The following EPHB2 variants were observed in gnomAD, a reference collection of about 807,000 sequenced individuals.
EPHB2 encodes EPH receptor B2, also known as ephrin type-B receptor 2.
EPHB2 carries 18 observed loss-of-function variants against 96.4 expected under a neutral mutation model. The ratio of observed to expected loss-of-function variants is 0.19; its 90% CI spans 0.13 to 0.28. The LOEUF (loss-of-function observed/expected upper bound fraction) is 0.28, where lower values mean the gene tolerates loss of function less well. Ranked by LOEUF, EPHB2 falls within the 10% of genes least tolerant of loss-of-function variation. The probability of loss-of-function intolerance (pLI) is 1.00; values close to 1 mark genes in which losing one functional copy is unlikely to be tolerated. For synonymous variants in EPHB2, 506 were observed against 534.1 expected, an observed-to-expected ratio of 0.95 and a Z score of 0.72; for missense variants, 989 against 1,355.4, an observed-to-expected ratio of 0.73 and a Z score of 4.25.
intron 3 of EPHB2, among the ~76,000 whole-genome samples, chr1:22,861,185 G>A (rs1412493496): frequency 6.6e-6 from 1 of 152,202 alleles, no homozygotes; most frequent in Non-Finnish European, 1.5e-5. Context: ...CCATTTTACA[G>A]ATAAGGAAAC....
At chr1:22,864,816 G>A (rs1638409875) in intron 4 of EPHB2, 61 bp from the exon 5 acceptor site, 1 of 1,136,316 alleles carries the variant, frequency 8.8e-7, no homozygotes, top group Non-Finnish European at 1.3e-6. Context: ...GCACAGAGTG[G>A]TCACATGGGG....
chr1:22,879,187 C>A (rs1028082464), intron 5 of EPHB2, among the ~76,000 whole-genome samples: 1 of 117,778 alleles, frequency 8.5e-6, no homozygotes, highest in African/African-American at 2.8e-5. Context: ...TCTCAGAGCA[C>A]CCTGTCGCAC....
chr1:22,912,003 TC>T (rs1640118666), intron 14 of EPHB2, among the ~76,000 whole-genome samples: 1 of 152,192 alleles, frequency 6.6e-6, no homozygotes, highest in South Asian at 2.1e-4. Flanking sequence ...AAGGTGAGCT[TC>T]CTATAGCACA....
intron 3 of EPHB2, among the ~76,000 whole-genome samples, chr1:22,808,493 A>T (rs904379215): frequency 1.4e-4 from 22 of 152,230 alleles, no homozygotes; most frequent in Admixed American, 6.5e-4. Context: ...CCCAGTCCAG[A>T]AGGGGCCCGA....
chr1:22,795,522 C>T (rs184810184), intron 3 of EPHB2, among the ~76,000 whole-genome samples: 3 of 152,142 alleles, frequency 2.0e-5, no homozygotes, highest in Non-Finnish European at 4.4e-5. Flanking sequence ...GGGAGAAATG[C>T]CATTTGTAAT....
intron 1 of EPHB2, among the ~76,000 whole-genome samples, chr1:22,731,557 C>T (rs144419089): frequency 2.3e-3 from 357 of 152,256 alleles, no homozygotes; most frequent in Non-Finnish European, 3.8e-3. Context: ...TAACCATCAT[C>T]GGCTAGGCGC....
chr1:22,824,939 C>T (rs1328391702), intron 3 of EPHB2, among the ~76,000 whole-genome samples: 3 of 152,216 alleles, frequency 2.0e-5, no homozygotes, highest in Non-Finnish European at 4.4e-5. Context: ...GGTAACAGAG[C>T]CTGGCTCCTC....
chr1:22,868,125 G>A (rs1385179541), intron 5 of EPHB2, among the ~76,000 whole-genome samples: 2 of 152,198 alleles, frequency 1.3e-5, no homozygotes, highest in East Asian at 1.9e-4. Context: ...TACTCAAGAC[G>A]CCTCAGCTTA....
At chr1:22,759,306 C>G (rs1644201856) in intron 1 of EPHB2, among the ~76,000 whole-genome samples, 1 of 152,108 alleles carries the variant, frequency 6.6e-6, no homozygotes, top group Admixed American at 6.5e-5. Context: ...CACCTGTTTC[C>G]TTTATACTGC....
At chr1:22,887,558 T>A (rs1321899853) in intron 6 of EPHB2, among the ~76,000 whole-genome samples, 5 of 152,022 alleles carry the variant, frequency 3.3e-5, no homozygotes, top group Non-Finnish European at 7.4e-5. Context: ...CTGCCTGGAG[T>A]CCAGAGCTGA....
At chr1:22,740,575 A>G (rs1557646324) in intron 1 of EPHB2, among the ~76,000 whole-genome samples, 1 of 152,156 alleles carries the variant, frequency 6.6e-6, no homozygotes, top group Non-Finnish European at 1.5e-5. Flanking sequence ...TGCATTTCTG[A>G]GTGCCATCTG....
intron 1 of EPHB2, chr1:22,774,525 A>G (rs1342156255): frequency 2.0e-6 from 2 of 982,722 alleles, no homozygotes; most frequent in African/African-American, 3.5e-5. Context: ...CGTTCCAGGC[A>G]GAAAAATCTA....
intron 1 of EPHB2, among the ~76,000 whole-genome samples, chr1:22,761,372 TC>T (rs1644233760): frequency 1.3e-5 from 2 of 152,216 alleles, no homozygotes; most frequent in Non-Finnish European, 2.9e-5. Flanking sequence ...ACTTTATACT[TC>T]CATCTGACTT....
At chr1:22,884,819 C>T (rs867865869) in intron 6 of EPHB2, among the ~76,000 whole-genome samples, 28 of 152,074 alleles carry the variant, frequency 1.8e-4, no homozygotes, top group African/African-American at 6.0e-4. Context: ...TGCCATCCAG[C>T]GCCCCATTTC....
intron 3 of EPHB2, among the ~76,000 whole-genome samples, chr1:22,816,052 T>C (rs1257386872): frequency 6.6e-6 from 1 of 152,076 alleles, no homozygotes; most frequent in East Asian, 1.9e-4. Flanking sequence ...GGCCTTCTTT[T>C]CCCCCATCTA....
chr1:22,832,180 G>A (rs558841425), intron 3 of EPHB2, among the ~76,000 whole-genome samples: 4 of 152,234 alleles, frequency 2.6e-5, no homozygotes, highest in African/African-American at 7.2e-5. Context: ...CAGGGTGCAC[G>A]TCATCAGAAC....
chr1:22,856,590 A>G (rs989094039), intron 3 of EPHB2, among the ~76,000 whole-genome samples: 2 of 152,200 alleles, frequency 1.3e-5, no homozygotes, highest in Non-Finnish European at 2.9e-5. Flanking sequence ...ATTTGGACAC[A>G]AGCTGTTCTG....
intron 1 of EPHB2, among the ~76,000 whole-genome samples, chr1:22,721,361 C>T (rs1472407578): frequency 6.6e-6 from 1 of 152,186 alleles, no homozygotes; most frequent in East Asian, 1.9e-4. Flanking sequence ...CTTCTGTTTG[C>T]TGGCAGACCA....
chr1:22,769,088 T>C (rs1299966855), intron 1 of EPHB2, among the ~76,000 whole-genome samples: 3 of 152,216 alleles, frequency 2.0e-5, no homozygotes, highest in Non-Finnish European at 4.4e-5. Context: ...TAAGTTACCA[T>C]TCACTGGCCC....
Sources: allele counts gnomAD v4.1 joint callset (sites outside exome capture counted in the v4.1 genomes callset), GRCh38; gene constraint gnomAD v4.1.1; transcripts MANE v1.5; gene names NCBI Gene and HGNC (gene_info 2026-07-23, HGNC 2026-07-21).